Variants in MED13L observed in about 807,000 individuals in gnomAD.
MED13L encodes the protein mediator complex subunit 13L, also known as mediator of RNA polymerase II transcription subunit 13-like.
A neutral mutation model predicts 220.9 loss-of-function variants in MED13L; 7 were observed. The ratio of observed to expected loss-of-function variants is 0.03; its 90% confidence interval spans 0.02 to 0.06. The LOEUF is 0.06. Ranked by LOEUF, MED13L falls within the 10% of genes least tolerant of loss-of-function variation. MED13L has a pLI of 1.00. For synonymous variants in MED13L, 1,011 were observed against 1,015.2 expected, an observed-to-expected ratio of 1.00 and a Z score of 0.08; for missense variants, 1,965 against 2,760.5, an observed-to-expected ratio of 0.71 and a Z score of 6.46.
At chr12:116,206,542 A>G (rs992943192) in intron 2 of MED13L, among the ~76,000 whole-genome samples, 3 of 152,188 alleles carry the variant, frequency 2.0e-5, no homozygotes, top group African/African-American at 7.2e-5. Context: ...GATAAAGAAA[A>G]GTTATAGACG....
intron 4 of MED13L, among the ~76,000 whole-genome samples, chr12:116,081,428 A>C (rs897586841): frequency 6.6e-6 from 1 of 152,196 alleles, no homozygotes; most frequent in Non-Finnish European, 1.5e-5. Flanking sequence ...GATTTCACTA[A>C]CTACCAAGTA....
chr12:116,214,643 TC>T (rs1882894746), intron 2 of MED13L, among the ~76,000 whole-genome samples: 1 of 152,160 alleles, frequency 6.6e-6, no homozygotes, highest in Non-Finnish European at 1.5e-5. Context: ...TAGCTTTTTT[TC>T]TCTTGATCTC....
At chr12:116,194,673 G>C (rs1881505224) in intron 2 of MED13L, among the ~76,000 whole-genome samples, 1 of 152,104 alleles carries the variant, frequency 6.6e-6, no homozygotes, top group Admixed American at 6.5e-5. Flanking sequence ...AATATGAAAA[G>C]ATTCACAAGA....
intron 16 of MED13L, among the ~76,000 whole-genome samples, chr12:115,995,953 G>A (rs1307386012): frequency 6.6e-6 from 1 of 152,156 alleles, no homozygotes; most frequent in Non-Finnish European, 1.5e-5. Flanking sequence ...TAAATCCACT[G>A]TAAGTCAGGG....
At chr12:116,042,542 A>G (rs1023586771) in intron 4 of MED13L, among the ~76,000 whole-genome samples, 1 of 152,240 alleles carries the variant, frequency 6.6e-6, no homozygotes, top group Admixed American at 6.5e-5. Flanking sequence ...TATCTTGAAG[A>G]TACCATTCTA....
chr12:116,045,659 C>G (rs974320677), intron 4 of MED13L, among the ~76,000 whole-genome samples: 1 of 151,870 alleles, frequency 6.6e-6, no homozygotes, highest in African/African-American at 2.4e-5. Flanking sequence ...ATAATTTGAC[C>G]AACATTAACA....
At chr12:116,210,660 C>T (rs920920732) in intron 2 of MED13L, among the ~76,000 whole-genome samples, 1 of 149,574 alleles carries the variant, frequency 6.7e-6, no homozygotes, top group African/African-American at 2.5e-5. Flanking sequence ...CTGTACAGCA[C>T]CTAACATTAA....
intron 4 of MED13L, among the ~76,000 whole-genome samples, chr12:116,053,947 G>C (rs946658451): frequency 6.6e-6 from 1 of 152,096 alleles, no homozygotes; most frequent in African/African-American, 2.4e-5. Context: ...CAGAGGCAAA[G>C]GTCCAGCTGA....
chr12:116,263,119 T>C (rs185885531), intron 1 of MED13L, among the ~76,000 whole-genome samples: 200 of 152,300 alleles, frequency 1.3e-3, no homozygotes, highest in Middle Eastern at 3.4e-3. Context: ...GCTAAATGGC[T>C]CAGGTGTCAT....
intron 1 of MED13L, among the ~76,000 whole-genome samples, chr12:116,264,590 A>C (rs996355795): frequency 3.3e-5 from 5 of 152,146 alleles, no homozygotes; most frequent in Non-Finnish European, 5.9e-5. Flanking sequence ...CCTTTCTTAG[A>C]TCATCACATC....
chr12:116,063,974 G>A (rs1252245558), intron 4 of MED13L, among the ~76,000 whole-genome samples: 3 of 152,118 alleles, frequency 2.0e-5, no homozygotes, highest in East Asian at 1.9e-4. Flanking sequence ...CTTGACTCTA[G>A]GAGTTGGAGA....
intron 2 of MED13L, among the ~76,000 whole-genome samples, chr12:116,173,500 G>A (rs1310100076): frequency 3.3e-5 from 5 of 151,938 alleles, no homozygotes; most frequent in Non-Finnish European, 5.9e-5. Flanking sequence ...CAATAAAACG[G>A]GCACTTTATA....
At position 115,974,043 on chromosome 12, in the gene MED13L, A is replaced by T. The variant is rs77829396; in HGVS notation, c.5731+1128T>A. On this transcript the variant is annotated intron_variant, in intron 25 of 30. Coordinates refer to ENST00000281928, the MANE Select transcript of MED13L (RefSeq NM_015335.5). ...CAAATACCTGATGTGAATTTCCTAT[A>T]AAAAAAAAAAGTACATGGTCTAATG... Among the ~76,000 whole-genome samples, 343 of 126,014 alleles carry T rather than the reference A, an allele frequency of 2.7e-3. 1 individual carries two copies. Among genetic ancestry groups the T allele is most frequent in the African/African-American group, 8.4e-3 (323 of 38,554 alleles). 82.7% of individuals were successfully genotyped at this position (126,014 alleles called of 152,430 possible). A position where few individuals can be genotyped will look rare whatever the true frequency, so the allele number is the denominator to read the frequency against.
chr12:116,006,048 A>C, intron 12 of MED13L, 55 bp from the exon 13 acceptor site: 1 of 1,607,088 alleles, frequency 6.2e-7, no homozygotes, highest in Non-Finnish European at 8.5e-7. Context: ...AGCGCAAAGG[A>C]GTAGGGAGAG....
intron 10 of MED13L, 64 bp downstream of exon 10, chr12:116,008,337 A>G (rs1879180879): frequency 6.5e-7 from 1 of 1,529,668 alleles, no homozygotes; most frequent in South Asian, 1.3e-5. Flanking sequence ...TTTAGCAGGT[A>G]GAGATGGGGA....
At chr12:116,155,762 C>CTA (rs1878380191) in intron 2 of MED13L, among the ~76,000 whole-genome samples, 1 of 152,028 alleles carries the variant, frequency 6.6e-6, no homozygotes, top group Non-Finnish European at 1.5e-5. Flanking sequence ...AATATATTAA[C>CTA]TATTCTTTGC....
chr12:116,274,454 G>GA (rs929264443), intron 1 of MED13L, among the ~76,000 whole-genome samples: 2 of 134,808 alleles, frequency 1.5e-5, no homozygotes, highest in East Asian at 2.2e-4. Flanking sequence ...CAGGCCAAAA[G>GA]AAAAAAATGC....
chr12:115,982,742 C>A, intron 21 of MED13L, 139 bp from the exon 22 acceptor site: 1 of 866,350 alleles, frequency 1.2e-6, no homozygotes, highest in Non-Finnish European at 1.8e-6. Context: ...CATTTATCAC[C>A]TTACCAAAAT....
intron 2 of MED13L, among the ~76,000 whole-genome samples, chr12:116,179,235 G>A (rs1248079492): frequency 4.1e-5 from 6 of 146,622 alleles, no homozygotes; most frequent in South Asian, 2.2e-4. Flanking sequence ...GTGTGTGTGT[G>A]TACACAATTT....
Sources: allele counts gnomAD v4.1 joint callset (sites outside exome capture counted in the v4.1 genomes callset), GRCh38; gene constraint gnomAD v4.1.1; transcripts MANE v1.5; gene names NCBI Gene and HGNC (gene_info 2026-07-23, HGNC 2026-07-21).